The following GTF2I variants were observed in gnomAD, a reference collection of about 807,000 sequenced individuals.
GTF2I encodes general transcription factor II-I.
Under a neutral mutation model 67.6 loss-of-function variants are expected in GTF2I, and 12 were observed. The ratio of observed to expected loss-of-function variants is 0.18; its 90% CI spans 0.11 to 0.29. The LOEUF is 0.29. Ranked by LOEUF, GTF2I falls within the 10% of genes least tolerant of loss-of-function variation. The pLI is 1.00. For synonymous variants in GTF2I, 149 were observed against 197.0 expected, an observed-to-expected ratio of 0.76 and a Z score of 2.04; for missense variants, 271 against 580.1, an observed-to-expected ratio of 0.47 and a Z score of 5.47.
At chr7:74,678,536 A>G (rs1438187782) in intron 1 of GTF2I, among the ~76,000 whole-genome samples, 1 of 152,016 alleles carries the variant, frequency 6.6e-6, no homozygotes, top group Non-Finnish European at 1.5e-5. Flanking sequence ...ATTTGTGCAG[A>G]AGAAAATAAA....
chr7:74,716,787 CAT>C (rs1792319514), intron 10 of GTF2I, 105 bp from the exon 11 acceptor site: 3 of 682,596 alleles, frequency 4.4e-6, no homozygotes, highest in Non-Finnish European at 7.6e-6. Flanking sequence ...AATCATTTTG[CAT>C]ATGTTTATTA....
chr7:74,683,855 C>T (rs915471885), intron 1 of GTF2I, among the ~76,000 whole-genome samples: 7 of 151,772 alleles, frequency 4.6e-5, no homozygotes, highest in East Asian at 1.9e-4. Flanking sequence ...TCCTTCCCCC[C>T]ACCAAAGAAA....
At chr7:74,658,597 C>G (rs1445623171) in intron 1 of GTF2I, among the ~76,000 whole-genome samples, 5 of 150,290 alleles carry the variant, frequency 3.3e-5, no homozygotes, top group African/African-American at 1.2e-4. Flanking sequence ...GCAGCAGACG[C>G]GCGGGATTGG....
intron 1 of GTF2I, among the ~76,000 whole-genome samples, chr7:74,661,180 T>A (rs984143866): frequency 4.6e-5 from 7 of 152,210 alleles, no homozygotes; most frequent in Non-Finnish European, 8.8e-5. Flanking sequence ...CCGGGAGAGC[T>A]GGCATGTGCG....
chr7:74,722,538 A>G (rs981534142), intron 12 of GTF2I, among the ~76,000 whole-genome samples: 6 of 152,078 alleles, frequency 3.9e-5, no homozygotes, highest in Non-Finnish European at 1.5e-5. Flanking sequence ...AACCTGAGTC[A>G]CTTACCTGTT....
At chr7:74,708,958 A>G (rs1203100581) in intron 8 of GTF2I, among the ~76,000 whole-genome samples, 1 of 152,182 alleles carries the variant, frequency 6.6e-6, no homozygotes, top group Non-Finnish European at 1.5e-5. Context: ...CAGCAGTCAC[A>G]CCCATCGCTG....
At chr7:74,723,428 C>CCTTTTTTTTTTTTTTTTTTTTT (rs1793319970) in intron 12 of GTF2I, among the ~76,000 whole-genome samples, 13 of 61,088 alleles carry the variant, frequency 2.1e-4, no homozygotes, top group African/African-American at 1.1e-3. Context: ...CTCCCGGCCT[C>CCTTTTTTTTTTTTTTTTTTTTT]TTTTTTTTTT....
At chr7:74,662,980 C>T (rs1804656531) in intron 1 of GTF2I, among the ~76,000 whole-genome samples, 1 of 152,066 alleles carries the variant, frequency 6.6e-6, no homozygotes, top group Admixed American at 6.6e-5. Flanking sequence ...GGCCACTGTC[C>T]TATGTTCTGG....
Position 74,690,987 on chromosome 7 carries a change from C to T in GTF2I, c.114C>T (p.Ala38=), listed in dbSNP as rs1554396873. Reference sequence around the variant, plus strand: ...TTGTATTGTAGTGTAAAGAACTGGCCAAGTCCAAAGCCGAAGTGGCCTGCA... The same window carrying T: ...TTGTATTGTAGTGTAAAGAACTGGCTAAGTCCAAAGCCGAAGTGGCCTGCA... ...SALESMCKEL[A]KSKAEVACIA... The change falls in exon 3 of 35, where the codon GCC becomes GCT. Residue 38 remains alanine (A), a synonymous_variant. Transcript: ENST00000573035. 1 of 1,612,634 alleles carries T rather than the reference C, an allele frequency of 6.2e-7. No individual in the cohort carries two copies. The highest frequency in any genetic ancestry group is 1.1e-5 in the South Asian group (1 of 90,654).
At chr7:74,666,490 C>T (rs1804983262) in intron 1 of GTF2I, among the ~76,000 whole-genome samples, 3 of 150,996 alleles carry the variant, frequency 2.0e-5, no homozygotes, top group Admixed American at 6.7e-5. Flanking sequence ...ATTAGTGTTA[C>T]TCCTTCCTCC....
chr7:74,725,140 C>G (rs1238377503), intron 12 of GTF2I, among the ~76,000 whole-genome samples: 1 of 152,102 alleles, frequency 6.6e-6, no homozygotes, highest in African/African-American at 2.4e-5. Context: ...TTTTATGCTT[C>G]AGAGTAAAAA....
At chr7:74,687,747 C>T (rs782769202) in intron 1 of GTF2I, among the ~76,000 whole-genome samples, 7 of 152,204 alleles carry the variant, frequency 4.6e-5, no homozygotes, top group Non-Finnish European at 1.0e-4. Context: ...TGCTTGTCCA[C>T]GTTCTCCAGA....
intron 1 of GTF2I, among the ~76,000 whole-genome samples, chr7:74,672,719 G>C (rs1305103839): frequency 6.6e-6 from 1 of 152,146 alleles, no homozygotes; most frequent in African/African-American, 2.4e-5. Flanking sequence ...GTAGTCTCTG[G>C]AGAACTTATC....
At chr7:74,711,584 T>G (rs1554402545) in intron 9 of GTF2I, among the ~76,000 whole-genome samples, 1 of 152,190 alleles carries the variant, frequency 6.6e-6, no homozygotes, top group Non-Finnish European at 1.5e-5. Context: ...TGTCCCCTTG[T>G]TATTCATTGC....
At position 74,716,902 on chromosome 7, in the gene GTF2I, C is replaced by T. The variant is rs1554403742; in HGVS notation, c.832C>T (p.His278Tyr). 1.2e-6 allele frequency: 2 copies of T among 1,603,376 alleles called. No individual in the cohort carries two copies. Among genetic ancestry groups the T allele is most frequent in the Non-Finnish European group, 1.7e-6 (2 of 1,172,868 alleles). The change falls in exon 11 of 35, where the codon CAT (histidine) becomes TAT (tyrosine). Residue 278 changes from histidine (H) to tyrosine (Y), a missense_variant. Physicochemically the swap from His to Tyr is moderately conservative, Grantham distance 83. This residue lies in a region of GTF2I where 124 missense variants were observed against 147.0 expected (regional missense o/e 0.84). Transcript: ENST00000573035. ...PLSKPLQGSH[H>Y]SSEGNEGTEM... is the part of the protein sequence containing the mutation. ...GTTTATTTTCTTTTTAGGAAGCCACCATTCTTCAGAGGGCAATGAAGGCAC... is the reference window on the plus strand; with the variant it reads ...GTTTATTTTCTTTTTAGGAAGCCACTATTCTTCAGAGGGCAATGAAGGCAC...
chr7:74,685,866 A>C (rs1787679610), intron 1 of GTF2I, among the ~76,000 whole-genome samples: 2 of 151,808 alleles, frequency 1.3e-5, no homozygotes, highest in Non-Finnish European at 2.9e-5. Flanking sequence ...ATCCTGGCTA[A>C]CATGGTGAAA....
intron 6 of GTF2I, among the ~76,000 whole-genome samples, chr7:74,704,268 T>TTTTATTTATTTATTTATTTATTTA (rs55926323): frequency 6.9e-5 from 10 of 144,310 alleles, no homozygotes; most frequent in Non-Finnish European, 1.5e-5. Context: ...TAATTATTAT[T>TTTTATTTATTTATTTATTTATTTA]TTTATTTATT....
intron 1 of GTF2I, among the ~76,000 whole-genome samples, chr7:74,664,222 GTTGTCCT>G (rs1804774091): frequency 6.6e-6 from 1 of 152,098 alleles, no homozygotes; most frequent in Admixed American, 6.6e-5. Context: ...GTCCTTTACT[GTTGTCCT>G]TTTGTTCTGG....
intron 4 of GTF2I, chr7:74,699,732 G>A (rs1442142953): frequency 1.3e-5 from 2 of 155,814 alleles, no homozygotes; most frequent in African/African-American, 2.4e-5. Flanking sequence ...TTACTGCAGG[G>A]TCATAGGTGA....
Sources: gnomAD v4.1 joint callset for allele counts (sites outside exome capture counted in the v4.1 genomes callset) on GRCh38, gnomAD v4.1.1 for gene constraint, gnomAD v4.1.1 regional missense constraint, MANE v1.5 for transcripts, NCBI Gene and HGNC (gene_info 2026-07-23, HGNC 2026-07-21) for gene names.